The following SLCO4A1 variants were observed in gnomAD, a reference collection of about 807,000 sequenced individuals.
SLCO4A1 encodes the protein solute carrier organic anion transporter family member 4A1.
Under a neutral mutation model 64.6 loss-of-function variants are expected in SLCO4A1, and 51 were observed. The ratio of observed to expected loss-of-function variants is 0.79; its 90% CI spans 0.63 to 1.00. SLCO4A1 has a LOEUF of 1.00. Ranked by LOEUF, SLCO4A1 falls within the 50% of genes least tolerant of loss-of-function variation. SLCO4A1 has a pLI of 0.00. For synonymous variants in SLCO4A1, 471 were observed against 444.9 expected (o/e 1.06, Z -0.74); for missense variants, 919 against 980.5 (o/e 0.94, Z 0.84).
downstream of SLCO4A1, among the ~76,000 whole-genome samples, chr20:62,687,638 T>C (rs1054989117): frequency 1.1e-4 from 16 of 152,198 alleles, no homozygotes; most frequent in African/African-American, 3.9e-4. Context: ...GGTGGGCCTC[T>C]CCAGCCAGAC....
In SLCO4A1 at chr20:62,644,025, C is replaced by G. The variant is rs1048669035; in HGVS notation, c.-97+1472C>G. Among the ~76,000 whole-genome samples, 9 of 152,254 alleles carry G rather than the reference C, an allele frequency of 5.9e-5. 1 individual carries two copies. Among genetic ancestry groups the G allele is most frequent in the Non-Finnish European group, 1.0e-4 (7 of 68,044 alleles). On this transcript the variant is annotated intron_variant, in intron 1 of 11. Transcript: ENST00000217159. The surrounding 1 kb of genome is among the most constrained non-coding windows in gnomAD (Gnocchi z 5.4). ...AGGCTTGGGCTCCTGTTTTACGACT[C>G]TGTTCTTAAAGAGGCAAAAGGCGAC... is the stretch of plus-strand genomic sequence containing the variant.
intron 2 of SLCO4A1, among the ~76,000 whole-genome samples, chr20:62,680,098 G>A (rs1057273662): frequency 6.6e-6 from 1 of 152,214 alleles, no homozygotes; most frequent in East Asian, 1.9e-4. Flanking sequence ...AGAGCCATAG[G>A]ACCCACAGTG....
Position 62,671,888 on chromosome 20 carries a change from G to A in SLCO4A1, c.2164G>A (p.Val722Ile), listed in dbSNP as rs148051101. 1.2e-4 allele frequency: 189 copies of A among 1,611,058 alleles called. No homozygotes were observed. Among genetic ancestry groups the A allele is most frequent in the Middle Eastern group, 9.9e-4 (6 of 6,084 alleles). ...SATDSQLQSSV is the reference protein window; with the variant it reads ...SATDSQLQSSI Reference sequence around the variant, plus strand: ...CACAGATAGCCAGCTCCAGAGCAGCGTCTGACCACCGCCCGCGCCCACCCG... The same window carrying A: ...CACAGATAGCCAGCTCCAGAGCAGCATCTGACCACCGCCCGCGCCCACCCG... Residue 722 changes from valine (V) to isoleucine (I), a missense_variant, in exon 12 of 12, where the codon GTC becomes ATC. Val to Ile is a conservative substitution (Grantham distance 29, BLOSUM62 3). Coordinates refer to ENST00000217159, the MANE Select transcript of SLCO4A1 (RefSeq NM_016354.4).
downstream of SLCO4A1, among the ~76,000 whole-genome samples, chr20:62,686,884 G>GA (rs1234431964): frequency 7.0e-6 from 1 of 142,354 alleles, no homozygotes; most frequent in Admixed American, 6.9e-5. Flanking sequence ...GGAGCAATGG[G>GA]AAGGGCACCC....
downstream of SLCO4A1, among the ~76,000 whole-genome samples, chr20:62,689,556 C>A (rs1002628868): frequency 6.6e-6 from 1 of 152,190 alleles, no homozygotes; most frequent in African/African-American, 2.4e-5. Context: ...GCAGAGGGGA[C>A]CCCAGCCCCA....
At chr20:62,643,002 G>A (rs1181861494) in intron 1 of SLCO4A1, 1 of 470,154 alleles carries the variant, frequency 2.1e-6, no homozygotes, top group East Asian at 7.0e-5. Context: ...CCAGAGTTGC[G>A]GAGTCACCCA....
At chr20:62,665,283 C>T in intron 6 of SLCO4A1, 195 bp downstream of exon 6, 1 of 590,532 alleles carries the variant, frequency 1.7e-6, no homozygotes, top group Non-Finnish European at 2.9e-6. Context: ...AGTGGTGGTC[C>T]TGCCCTCTTT....
downstream of SLCO4A1, among the ~76,000 whole-genome samples, chr20:62,672,762 AG>A (rs534609868): frequency 1.1e-4 from 17 of 152,092 alleles, no homozygotes; most frequent in Non-Finnish European, 1.9e-4. Context: ...CGGGGTCATA[AG>A]GGTGGGTGCA....
chr20:62,670,094 C>T (rs1233673168), intron 11 of SLCO4A1: 1 of 152,274 alleles, frequency 6.6e-6, no homozygotes, highest in Non-Finnish European at 1.5e-5. Context: ...CGGATTCTCC[C>T]TTTGTCCAAC....
chr20:62,660,800 C>T (rs1018381164), intron 4 of SLCO4A1, among the ~76,000 whole-genome samples: 16 of 152,338 alleles, frequency 1.1e-4, no homozygotes, highest in Middle Eastern at 3.4e-3. Flanking sequence ...TTGTCCCAAT[C>T]AGGGCAGGGC....
intron 1 of SLCO4A1, among the ~76,000 whole-genome samples, chr20:62,643,715 A>T (rs1980824880): frequency 6.6e-6 from 1 of 152,222 alleles, no homozygotes; most frequent in East Asian, 1.9e-4. Context: ...GAGCAAATGG[A>T]TCTCAGAGGA....
At chr20:62,677,983 A>G (rs1987669950) in intron 2 of SLCO4A1, among the ~76,000 whole-genome samples, 1 of 152,238 alleles carries the variant, frequency 6.6e-6, no homozygotes, top group South Asian at 2.1e-4. Flanking sequence ...TTTGGGAAGG[A>G]AAGAAGTAAG....
At chr20:62,651,519 C>G (rs1430475710) in intron 1 of SLCO4A1, 1 of 152,238 alleles carries the variant, frequency 6.6e-6, no homozygotes, top group African/African-American at 2.4e-5. Context: ...CTGTCGGAAG[C>G]CACATGGCTG....
intron 7 of SLCO4A1, chr20:62,667,405 T>A (rs1986548136): frequency 7.6e-6 from 2 of 262,072 alleles, no homozygotes; most frequent in Non-Finnish European, 1.5e-5. Context: ...GCTGCCTTTG[T>A]GTACTTGGCG....
chr20:62,658,557 G>T (rs1569131634), intron 2 of SLCO4A1, 120 bp from the exon 3 acceptor site: 1 of 720,400 alleles, frequency 1.4e-6, no homozygotes, highest in Non-Finnish European at 2.4e-6. Context: ...CCCATGAGGG[G>T]AGTGGGCCGG....
chr20:62,686,070 G>T (rs186449371), downstream of SLCO4A1, among the ~76,000 whole-genome samples: 160 of 152,280 alleles, frequency 1.1e-3, 1 homozygote, highest in Non-Finnish European at 1.9e-3. Flanking sequence ...GAGAGCCCCT[G>T]CGTCCATTCC....
chr20:62,684,789 C>T (rs772451641), intron 2 of SLCO4A1, among the ~76,000 whole-genome samples: 9 of 152,160 alleles, frequency 5.9e-5, no homozygotes, highest in Non-Finnish European at 8.8e-5. Context: ...GCAGCCCCCA[C>T]CCCAGCAATC....
chr20:62,680,569 GTT>G (rs201255008), intron 2 of SLCO4A1, among the ~76,000 whole-genome samples: 79,426 of 146,216 alleles, frequency 0.54, 21,504 homozygotes, highest in African/African-American at 0.58. Context: ...TTTGCTGATG[GTT>G]TTTTTTTTTT....
Position 62,645,732 on chromosome 20 carries a change from C to A in SLCO4A1, c.-97+3179C>A, listed in dbSNP as rs1981205057. ...GTAGGGTGAGACTTGGCACCAGTGG[C>A]TGGGGTCGCTTTTGGGTGCCAGAGA... On this transcript the variant is annotated intron_variant, in intron 1 of 11. Transcript: ENST00000217159. This position sits in a 1 kb window ranked among gnomAD's most constrained non-coding sequence, Gnocchi z 4.2. Among the ~76,000 whole-genome samples, 1 of 152,006 alleles carries A rather than the reference C, an allele frequency of 6.6e-6. No individual in the cohort carries two copies. The highest frequency in any genetic ancestry group is 2.1e-4 in the South Asian group (1 of 4,824).
Sources: allele counts gnomAD v4.1 joint callset (sites outside exome capture counted in the v4.1 genomes callset), GRCh38; gene constraint gnomAD v4.1.1; non-coding constraint Gnocchi (gnomAD v3.1); transcripts MANE v1.5; gene names NCBI Gene and HGNC (gene_info 2026-07-23, HGNC 2026-07-21).